Variants in TCF12 observed in about 807,000 individuals in gnomAD.
TCF12 encodes the protein transcription factor 12.
A neutral mutation model predicts 86.0 loss-of-function variants in TCF12; 45 were observed. The ratio of observed to expected loss-of-function variants is 0.52; its 90% CI spans 0.41 to 0.67. The LOEUF (loss-of-function observed/expected upper bound fraction) is 0.67. TCF12 is among the 30% of genes least tolerant of loss of function. TCF12 has a pLI of 0.00. For synonymous variants in TCF12, 330 were observed against 299.6 expected, an observed-to-expected ratio of 1.10 and a Z score of -1.05; for missense variants, 881 against 859.9, an observed-to-expected ratio of 1.02 and a Z score of -0.31.
At chr15:57,142,936 G>A (rs1304858330) in intron 5 of TCF12, among the ~76,000 whole-genome samples, 2 of 152,112 alleles carry the variant, frequency 1.3e-5, no homozygotes, top group Non-Finnish European at 2.9e-5. Context: ...GAATGAATAA[G>A]ACTAGCATTT....
chr15:57,225,246 T>TTTTTTTTTTTTTTG (rs1566943537), intron 8 of TCF12, among the ~76,000 whole-genome samples: 1 of 135,162 alleles, frequency 7.4e-6, no homozygotes, highest in African/African-American at 2.9e-5. Flanking sequence ...TTTTTTTTTT[T>TTTTTTTTTTTTTTG]TTTTTAAGAC....
rs542689612 is a variant in TCF12 at position 56,953,322 on chromosome 15, C to T, written c.148+32224C>T. Among the ~76,000 whole-genome samples the T allele has an allele frequency of 3.6e-3, 551 of 151,594 alleles. 2 individuals carry two copies. Among genetic ancestry groups the T allele is most frequent in the Non-Finnish European group, 6.3e-3 (428 of 67,820 alleles). On this transcript the variant is annotated intron_variant, in intron 3 of 20. Transcript: ENST00000333725. ...TTGTAGTTTTTTTCAATGTTTTTGT[C>T]TGGTTTTGACATCAGTGTAATGCTG...
At chr15:57,084,768 T>C (rs1166446403) in intron 4 of TCF12, among the ~76,000 whole-genome samples, 2 of 151,882 alleles carry the variant, frequency 1.3e-5, no homozygotes, top group Non-Finnish European at 2.9e-5. Flanking sequence ...AGGGAGAAAA[T>C]TGTATATTAA....
chr15:57,264,196 T>TTTTTTTC lies in TCF12; in HGVS notation c.1745+928_1745+929insCTTTTTT, dbSNP rs1491428339. Among the ~76,000 whole-genome samples the TTTTTTTC allele has an allele frequency of 2.1e-3, 68 of 31,686 alleles. 3 individuals carry two copies. The East Asian group carries it at 0.034, about 16-fold the overall frequency. The allele number at this position is 31,686 out of a possible 152,430, so 20.8% of individuals were successfully genotyped here. A position where few individuals can be genotyped will look rare whatever the true frequency, so the allele number is the denominator to read the frequency against. ...ATTTTCTTTAAGTTCTTTTGTAAGCTTTTTTTTTTTTTTTTTTTTTTTGAG... is the reference window on the plus strand; with the variant it reads ...ATTTTCTTTAAGTTCTTTTGTAAGCTTTTTTTCTTTTTTTTTTTTTTTTTTTTTTGAG... On this transcript the variant is annotated intron_variant, in intron 18 of 20. Transcript: ENST00000333725.
chr15:56,949,278 A>C (rs932296916), intron 3 of TCF12, among the ~76,000 whole-genome samples: 1 of 152,204 alleles, frequency 6.6e-6, no homozygotes, highest in African/African-American at 2.4e-5. Context: ...GTTTTATCCC[A>C]GTAATTAAAA....
At chr15:57,272,944 C>T in intron 18 of TCF12, 86 bp from the exon 19 acceptor site, 1 of 1,273,270 alleles carries the variant, frequency 7.9e-7, no homozygotes, top group Admixed American at 2.3e-5. Context: ...TTTTCATTTC[C>T]ATCTTTACGC....
intron 3 of TCF12, among the ~76,000 whole-genome samples, chr15:56,987,743 A>T (rs2140938923): frequency 6.6e-6 from 1 of 152,348 alleles, no homozygotes; most frequent in African/African-American, 2.4e-5. Context: ...TGGAAAGAAA[A>T]GCTGTCATCT....
At position 57,046,252 on chromosome 15, in the gene TCF12, T is replaced by A. The variant is rs553168180; in HGVS notation, c.149-17498T>A. On this transcript the variant is annotated intron_variant, in intron 3 of 20. Coordinates refer to ENST00000333725, the MANE Select transcript of TCF12 (RefSeq NM_207037.2). ...TCACATAGCTAGCAAATATCAAAACTTGGCATCATACCTGGATCTAGCTAA... is the reference window on the plus strand; with the variant it reads ...TCACATAGCTAGCAAATATCAAAACATGGCATCATACCTGGATCTAGCTAA... Among the ~76,000 whole-genome samples, 156 of 152,320 alleles carry A rather than the reference T, an allele frequency of 1.0e-3. 1 individual carries two copies. The highest frequency in any genetic ancestry group is 3.5e-3 in the African/African-American group (144 of 41,570).
chr15:56,934,294 G>A (rs1470947553), intron 3 of TCF12, among the ~76,000 whole-genome samples: 1 of 152,188 alleles, frequency 6.6e-6, no homozygotes, highest in Non-Finnish European at 1.5e-5. Flanking sequence ...GTACTGATAA[G>A]CAGTAATCTC....
intron 3 of TCF12, among the ~76,000 whole-genome samples, chr15:57,018,590 G>A (rs1376624642): frequency 6.6e-6 from 1 of 152,000 alleles, no homozygotes; most frequent in East Asian, 1.9e-4. Flanking sequence ...AGTCTCCTGA[G>A]TAGCTGGGAC....
At chr15:56,932,425 T>G (rs2060286289) in intron 3 of TCF12, among the ~76,000 whole-genome samples, 2 of 152,152 alleles carry the variant, frequency 1.3e-5, no homozygotes, top group South Asian at 2.1e-4. Context: ...GAGGAGGAAT[T>G]TAGTATCTCT....
intron 4 of TCF12, among the ~76,000 whole-genome samples, chr15:57,082,411 A>C (rs1280682725): frequency 1.1e-5 from 1 of 94,466 alleles, no homozygotes; most frequent in Non-Finnish European, 2.4e-5. Context: ...AATGTATGCA[A>C]CTTTATAGAA....
At chr15:56,993,966 A>G (rs958776812) in intron 3 of TCF12, among the ~76,000 whole-genome samples, 23 of 152,210 alleles carry the variant, frequency 1.5e-4, no homozygotes, top group African/African-American at 5.5e-4. Context: ...CAGAGATTTT[A>G]TGGTAGCTAT....
intron 3 of TCF12, among the ~76,000 whole-genome samples, chr15:57,008,586 A>G (rs1391301051): frequency 2.0e-5 from 3 of 152,050 alleles, no homozygotes; most frequent in African/African-American, 7.2e-5. Flanking sequence ...CTTATTTTTA[A>G]ATTTTCTTAA....
intron 3 of TCF12, among the ~76,000 whole-genome samples, chr15:57,010,705 C>A (rs1430984370): frequency 6.6e-6 from 1 of 152,084 alleles, no homozygotes; most frequent in Admixed American, 6.5e-5. Flanking sequence ...GAGTGAGAAA[C>A]GTGTTTACTG....
intron 3 of TCF12, among the ~76,000 whole-genome samples, chr15:57,000,052 A>G (rs1377717580): frequency 6.6e-6 from 1 of 151,458 alleles, no homozygotes; most frequent in South Asian, 2.1e-4. Context: ...TCTCTTGTTC[A>G]TAACTAGGAG....
chr15:57,283,463 C>T (rs1255225320), intron 20 of TCF12, among the ~76,000 whole-genome samples: 1 of 152,106 alleles, frequency 6.6e-6, no homozygotes, highest in Non-Finnish European at 1.5e-5. Context: ...TGGGATTTCA[C>T]GATGTTGGCC....
rs2063255859 is a variant in TCF12 at position 56,987,567 on chromosome 15, G to A, written c.148+66469G>A. The stretch of plus-strand genomic sequence containing the variant: ...TTGCTGCTATTTTATTTGCATTTAA[G>A]ACTAGTCATTGTTAGGTAACTATGG... On this transcript the variant is annotated intron_variant, in intron 3 of 20. Coordinates refer to ENST00000333725, the MANE Select transcript of TCF12 (RefSeq NM_207037.2). Among the ~76,000 whole-genome samples, 5 of 152,278 alleles carry A rather than the reference G, an allele frequency of 3.3e-5. No individual in the cohort carries two copies. The South Asian group carries it at 1.0e-3, about 32-fold the overall frequency.
rs529465332 is a variant in TCF12, at chr15:56,999,306, A to G, written c.149-64444A>G. Among the ~76,000 whole-genome samples, 286 of 152,310 alleles carry G rather than the reference A, an allele frequency of 1.9e-3. 1 individual carries two copies. The highest frequency in any genetic ancestry group is 3.5e-3 in the Non-Finnish European group (237 of 68,028). The stretch of plus-strand genomic sequence containing the variant: ...AAGCAGTAAAACAGTAGCTAAAATC[A>G]GTGACATTAAAAGTTGAGTTTCCTT... On this transcript the variant is annotated intron_variant, in intron 3 of 20. Coordinates refer to ENST00000333725, the MANE Select transcript of TCF12 (RefSeq NM_207037.2).
Sources: allele counts gnomAD v4.1 joint callset (sites outside exome capture counted in the v4.1 genomes callset), GRCh38; gene constraint gnomAD v4.1.1; transcripts MANE v1.5; gene names NCBI Gene and HGNC (gene_info 2026-07-23, HGNC 2026-07-21).